The following SLC9A3 variants were observed in gnomAD, a reference collection of about 807,000 sequenced individuals.
SLC9A3 encodes the protein solute carrier family 9 member A3.
In SLC9A3, 37 loss-of-function variants were observed where a neutral mutation model predicts 86.8. That is an observed-to-expected ratio of 0.43 (90% CI 0.33 to 0.56). The LOEUF (loss-of-function observed/expected upper bound fraction) is 0.56. SLC9A3 is among the 20% of genes least tolerant of loss of function. The probability of loss-of-function intolerance (pLI) is 0.06; values close to 1 mark genes in which losing one functional copy is unlikely to be tolerated. For synonymous variants in SLC9A3, 581 were observed against 528.3 expected (o/e 1.10, Z -1.37); for missense variants, 1,011 against 1,171.9 (o/e 0.86, Z 2.00).
intron 1 of SLC9A3, among the ~76,000 whole-genome samples, chr5:500,086 C>T (rs1740192561): frequency 6.6e-6 from 1 of 152,290 alleles, no homozygotes; most frequent in Non-Finnish European, 1.5e-5. Flanking sequence ...CTCAGGTCCA[C>T]CGCACTGACT....
intron 1 of SLC9A3, among the ~76,000 whole-genome samples, chr5:499,913 G>A (rs1740184955): frequency 6.6e-6 from 1 of 152,240 alleles, no homozygotes; most frequent in Admixed American, 6.5e-5. Context: ...GAGTGTGGAG[G>A]GGCCACTGCA....
chr5:489,187 C>T (rs1461884132), intron 2 of SLC9A3, among the ~76,000 whole-genome samples: 3 of 152,200 alleles, frequency 2.0e-5, no homozygotes, highest in Non-Finnish European at 4.4e-5. Flanking sequence ...AGTGTGGCCA[C>T]GTGGCCCCGA....
chr5:491,639 C>T lies in SLC9A3; in HGVS notation c.514+130G>A, dbSNP rs1221068200. On this transcript the variant is annotated intron_variant, in intron 2 of 16. Transcript: ENST00000264938. This position sits in a 1 kb window ranked among gnomAD's most constrained non-coding sequence, Gnocchi z 9.2. Reference sequence around the variant, plus strand: ...CACGAGGGCCTACGGGGCTGCCAGCCACGTTTCTCACCTGACACTTACCGC... The same window carrying T: ...CACGAGGGCCTACGGGGCTGCCAGCTACGTTTCTCACCTGACACTTACCGC... 2.5e-6 allele frequency: 2 copies of T among 812,988 alleles called. No homozygotes were observed. Among genetic ancestry groups the T allele is most frequent in the Non-Finnish European group, 3.7e-6 (2 of 539,780 alleles). The allele number at this position is 812,988 out of a possible 1,614,324, so 50.4% of individuals were successfully genotyped here. A position where few individuals can be genotyped will look rare whatever the true frequency, so the allele number is the denominator to read the frequency against.
intron 3 of SLC9A3, among the ~76,000 whole-genome samples, chr5:485,610 G>GCAT (rs1191556272): frequency 6.6e-6 from 1 of 152,266 alleles, no homozygotes; most frequent in Non-Finnish European, 1.5e-5. Flanking sequence ...TGCCGTCTTT[G>GCAT]CATGTTTTTA....
chr5:521,791 A>C (rs1367948105), intron 1 of SLC9A3, among the ~76,000 whole-genome samples: 3 of 152,166 alleles, frequency 2.0e-5, no homozygotes. Context: ...CAGGTCGTGC[A>C]CCTGAGGCTG....
chr5:521,009 G>A (rs1232545420), intron 1 of SLC9A3, among the ~76,000 whole-genome samples: 1 of 152,212 alleles, frequency 6.6e-6, no homozygotes. Flanking sequence ...GGGCCCCCAA[G>A]GGGCACAGGA....
intron 1 of SLC9A3, among the ~76,000 whole-genome samples, chr5:508,235 G>A (rs1275558015): frequency 6.6e-6 from 1 of 150,754 alleles, no homozygotes; most frequent in African/African-American, 2.4e-5. Context: ...AGTCCTCAGC[G>A]CGCCAGGGAT....
rs768299730 is a variant in SLC9A3 at position 476,695 on chromosome 5, C to T, written c.1761-23G>A. The T allele has an allele frequency of 1.9e-6, 3 of 1,599,622 alleles. No individual in the cohort carries two copies. The African/African-American group carries it at 4.0e-5, about 21-fold the overall frequency. On this transcript the variant is annotated intron_variant, in intron 11 of 16. Transcript: ENST00000264938. ...CTCCTGCGTGGGGACCAGCGCTGAG[C>T]CATACAGGCTCCCTCAGGGTGGGGT... is the stretch of plus-strand genomic sequence containing the variant.
intron 2 of SLC9A3, 35 bp from the exon 3 acceptor site, chr5:488,511 G>A (rs571064762): frequency 6.7e-7 from 1 of 1,501,252 alleles, no homozygotes; most frequent in East Asian, 2.5e-5. Flanking sequence ...GCAGCTGCAG[G>A]GCCTGCCACC....
At chr5:487,014 C>T (rs867242557) in intron 3 of SLC9A3, among the ~76,000 whole-genome samples, 9 of 17,744 alleles carry the variant, frequency 5.1e-4, no homozygotes, top group Non-Finnish European at 7.7e-4. Flanking sequence ...TGATCCAGAC[C>T]GCACTGACAC....
chr5:516,147 C>T (rs1733726791), intron 1 of SLC9A3, among the ~76,000 whole-genome samples: 2 of 149,194 alleles, frequency 1.3e-5, no homozygotes, highest in South Asian at 4.4e-4. Flanking sequence ...ATGCTTCCCC[C>T]TAACCCACAG....
chr5:516,659 C>T (rs774336988), intron 1 of SLC9A3, among the ~76,000 whole-genome samples: 1 of 152,170 alleles, frequency 6.6e-6, no homozygotes, highest in African/African-American at 2.4e-5. Context: ...GCCAGGTGAG[C>T]GTGGTTTCTC....
intron 1 of SLC9A3, among the ~76,000 whole-genome samples, chr5:499,284 A>G (rs916492931): frequency 1.9e-4 from 29 of 152,250 alleles, no homozygotes; most frequent in African/African-American, 7.0e-4. Context: ...GACGTTTGGG[A>G]GCCAAGTCCC....
intron 1 of SLC9A3, among the ~76,000 whole-genome samples, chr5:504,446 C>T (rs191641802): frequency 2.0e-5 from 3 of 152,334 alleles, no homozygotes; most frequent in East Asian, 1.9e-4. Context: ...CTGCAGGGGC[C>T]GTTGGATTTG....
chr5:477,582 C>T (rs1389878110), intron 10 of SLC9A3, 138 bp from the exon 11 acceptor site: 7 of 574,426 alleles, frequency 1.2e-5, no homozygotes, highest in Non-Finnish European at 2.1e-5. Context: ...TCACGCCTCA[C>T]AGCTGCAGAG....
intron 1 of SLC9A3, among the ~76,000 whole-genome samples, chr5:504,574 CG>C (rs1463236519): frequency 2.0e-5 from 3 of 152,204 alleles, no homozygotes; most frequent in Admixed American, 1.3e-4. Context: ...CCCGGGCTCA[CG>C]GCCCCGCTGC....
intron 1 of SLC9A3, among the ~76,000 whole-genome samples, chr5:502,885 CACTACCAGTGAGGCCG>C (rs1341034778): frequency 1.4e-3 from 164 of 116,650 alleles, no homozygotes; most frequent in South Asian, 3.2e-3. Context: ...CTTTACCACT[CACTACCAGTGAGGCCG>C]AAAGCCGCCG....
chr5:479,606 C>T, intron 10 of SLC9A3: 3 of 530,358 alleles, frequency 5.7e-6, no homozygotes, highest in Non-Finnish European at 1.0e-5. Context: ...GACCTCAGCG[C>T]TCACCCCCAC....
At chr5:507,268 C>T (rs556674203) in intron 1 of SLC9A3, among the ~76,000 whole-genome samples, 78 of 131,330 alleles carry the variant, frequency 5.9e-4, no homozygotes, top group Admixed American at 1.1e-3. Flanking sequence ...CCCGGGTTCA[C>T]GCCATTCTCC....
Sources: allele counts gnomAD v4.1 joint callset (sites outside exome capture counted in the v4.1 genomes callset), GRCh38; gene constraint gnomAD v4.1.1; non-coding constraint Gnocchi (gnomAD v3.1); transcripts MANE v1.5; gene names NCBI Gene and HGNC (gene_info 2026-07-23, HGNC 2026-07-21).